Variants in GPC3 observed in about 807,000 individuals in gnomAD.
GPC3 encodes glypican 3, also known as glypican-3.
A neutral mutation model predicts 34.4 loss-of-function variants in GPC3; 3 were observed. The ratio of observed to expected loss-of-function variants is 0.09; its 90% CI spans 0.04 to 0.23. The LOEUF (loss-of-function observed/expected upper bound fraction) is 0.23. GPC3 is among the 10% of genes least tolerant of loss of function. The pLI is 1.00. For synonymous variants in GPC3, 177 were observed against 174.0 expected, an observed-to-expected ratio of 1.02 and a Z score of -0.13; for missense variants, 351 against 445.6, an observed-to-expected ratio of 0.79 and a Z score of 1.91.
At chrX:133,756,889 C>T (rs1423825570) in intron 2 of GPC3, among the ~76,000 whole-genome samples, 1 of 112,378 alleles carries the variant, frequency 8.9e-6, no homozygotes, top group Non-Finnish European at 1.9e-5. Context: ...CAACTAAAGG[C>T]TCCTGGGAGA....
chrX:133,942,388 A>G (rs1307601421), intron 2 of GPC3, among the ~76,000 whole-genome samples: 1 of 111,787 alleles, frequency 8.9e-6, no homozygotes, highest in East Asian at 2.8e-4. Flanking sequence ...ATTTCCAACA[A>G]TAGAGAGGGT....
At chrX:133,848,432 C>T (rs767353430) in intron 2 of GPC3, among the ~76,000 whole-genome samples, 19 of 112,018 alleles carry the variant, frequency 1.7e-4, no homozygotes, top group African/African-American at 5.2e-4. Context: ...GGAAGATGAA[C>T]TAGGAGATAC....
chrX:133,762,808 C>T, intron 2 of GPC3: 1 of 498,947 alleles, frequency 2.0e-6, no homozygotes, highest in Non-Finnish European at 3.6e-6. Context: ...GTCCGGAGCC[C>T]TTGATGTCCT....
chrX:133,965,668 T>C (rs1340821437), intron 1 of GPC3, among the ~76,000 whole-genome samples: 1 of 111,970 alleles, frequency 8.9e-6, no homozygotes, highest in African/African-American at 3.3e-5. Flanking sequence ...TTGAGGTAAT[T>C]TGATATGGCA....
intron 2 of GPC3, among the ~76,000 whole-genome samples, chrX:133,873,898 T>C (rs1477061487): frequency 9.0e-6 from 1 of 111,587 alleles, no homozygotes; most frequent in Non-Finnish European, 1.9e-5. Flanking sequence ...CAGGGTTCAA[T>C]GTGATGATAA....
chrX:133,544,484 G>A (rs182290182), intron 7 of GPC3, among the ~76,000 whole-genome samples: 69 of 111,548 alleles, frequency 6.2e-4, no homozygotes, highest in Non-Finnish European at 2.1e-4. Flanking sequence ...ACTATTATGT[G>A]TAGCCATTAA....
chrX:133,582,882 G>A (rs769289455), intron 7 of GPC3, among the ~76,000 whole-genome samples: 2 of 110,986 alleles, frequency 1.8e-5, no homozygotes, highest in Admixed American at 9.6e-5. Context: ...GCTTGTAGCC[G>A]GGGGGAGGGC....
intron 2 of GPC3, among the ~76,000 whole-genome samples, chrX:133,922,265 G>A (rs1400205392): frequency 2.7e-5 from 3 of 112,073 alleles, no homozygotes; most frequent in Non-Finnish European, 5.6e-5. Flanking sequence ...CTTTCCCACT[G>A]AGAATCTCTC....
intron 7 of GPC3, among the ~76,000 whole-genome samples, chrX:133,555,449 T>G (rs1415786450): frequency 2.7e-5 from 3 of 112,542 alleles, no homozygotes; most frequent in Non-Finnish European, 5.6e-5. Flanking sequence ...TTCTCAAATC[T>G]ATCTCTAGCT....
rs766064951 is a variant in GPC3, at chrX:133,596,606, G to A, written c.1414-7C>T. 3 of 1,208,362 alleles carry A rather than the reference G, an allele frequency of 2.5e-6. No homozygotes were observed. The highest frequency in any genetic ancestry group is 3.4e-6 in the Non-Finnish European group (3 of 892,435). On this transcript the variant is annotated splice_polypyrimidine_tract_variant and splice_region_variant and intron_variant, in intron 6 of 7. Transcript: ENST00000370818. Reference sequence around the variant, plus strand: ...TAGACATGGTTCTCAGGAGCTGAAAGAAAACAACCAGGAATGCATCAGCTC... The same window carrying A: ...TAGACATGGTTCTCAGGAGCTGAAAAAAAACAACCAGGAATGCATCAGCTC...
chrX:133,557,154 CA>C (rs1041705775), intron 7 of GPC3, among the ~76,000 whole-genome samples: 14 of 108,908 alleles, frequency 1.3e-4, no homozygotes, highest in Non-Finnish European at 2.7e-4. Context: ...ATTAGCCGGG[CA>C]TGGTGGCGGG....
intron 3 of GPC3, among the ~76,000 whole-genome samples, chrX:133,736,643 A>G (rs1006622295): frequency 2.7e-5 from 3 of 112,393 alleles, no homozygotes; most frequent in African/African-American, 9.7e-5. Context: ...TTATGATTCC[A>G]TTTATGTAAA....
At position 133,868,493 on chromosome X, in the gene GPC3, A is replaced by G. The variant is rs1475208836; in HGVS notation, c.337+84557T>C. On this transcript the variant is annotated intron_variant, in intron 2 of 7. Coordinates refer to ENST00000370818, the MANE Select transcript of GPC3 (RefSeq NM_004484.4). ...AAGGCACTGGAACAAAAGCTGCAGG[A>G]AAGAGGATATCTCCCCTCAAGGAGC... Among the ~76,000 whole-genome samples the G allele has an allele frequency of 5.3e-5, 6 of 112,546 alleles. No homozygotes were observed. The Admixed American group carries it at 5.6e-4, about 11-fold the overall frequency.
intron 2 of GPC3, among the ~76,000 whole-genome samples, chrX:133,850,097 C>T (rs1343099502): frequency 4.6e-5 from 5 of 109,598 alleles, no homozygotes; most frequent in Non-Finnish European, 7.6e-5. Context: ...GAGATTATAA[C>T]TTTAAGGCCC....
intron 4 of GPC3, among the ~76,000 whole-genome samples, chrX:133,698,426 A>G (rs901779961): frequency 8.9e-5 from 10 of 112,307 alleles, no homozygotes; most frequent in Non-Finnish European, 1.7e-4. Flanking sequence ...GCTATTTCTA[A>G]GATTAGCTGT....
chrX:133,757,227 C>T (rs1036214654), intron 2 of GPC3, among the ~76,000 whole-genome samples: 15 of 111,442 alleles, frequency 1.3e-4, no homozygotes, highest in African/African-American at 4.9e-4. Flanking sequence ...TTAATAAATT[C>T]GGGTTAATAC....
At position 133,748,673 on chromosome X, in the gene GPC3, G is replaced by A. The variant is rs751870561; in HGVS notation, c.1032+4809C>T. On this transcript the variant is annotated intron_variant, in intron 3 of 7. Coordinates refer to ENST00000370818, the MANE Select transcript of GPC3 (RefSeq NM_004484.4). ...AAGATATCTTGGCACCTAAAAATAT[G>A]TTTAAGAAAAACTCATTTTTCATTT... 2.8e-4 allele frequency among the ~76,000 whole-genome samples: 31 copies of A among 110,928 alleles called. No individual in the cohort carries two copies. In the South Asian group the frequency reaches 0.012, roughly 42 times the overall value.
At chrX:133,985,197 A>C (rs1171733292) in intron 1 of GPC3, 78 bp downstream of exon 1, 10 of 1,053,192 alleles carry the variant, frequency 9.5e-6, no homozygotes, top group Non-Finnish European at 1.3e-5. Flanking sequence ...CGGCGGGGCT[A>C]GCGCGCTCAG....
intron 3 of GPC3, among the ~76,000 whole-genome samples, chrX:133,752,105 C>T (rs1389549994): frequency 9.0e-6 from 1 of 110,633 alleles, no homozygotes; most frequent in African/African-American, 3.3e-5. Flanking sequence ...CAGCCTCAAA[C>T]AACCCTCCCG....
Sources: gnomAD v4.1 joint callset for allele counts (sites outside exome capture counted in the v4.1 genomes callset) on GRCh38, gnomAD v4.1.1 for gene constraint, MANE v1.5 for transcripts, NCBI Gene and HGNC (gene_info 2026-07-23, HGNC 2026-07-21) for gene names.